Variants in SUN1 observed in about 807,000 individuals in gnomAD.
SUN1 encodes the protein SUN domain-containing protein 1.
In SUN1, 61 loss-of-function variants were observed where a neutral mutation model predicts 103.2. The observed-to-expected ratio is 0.59, with a 90% CI of 0.48 to 0.73. SUN1 has a LOEUF of 0.73. SUN1 is among the 30% of genes least tolerant of loss of function. The pLI is 0.00. For synonymous variants in SUN1, 490 were observed against 425.7 expected (o/e 1.15, Z -1.86); for missense variants, 1,052 against 1,034.6 (o/e 1.02, Z -0.23).
At chr7:844,622 C>T (rs1813416093) in intron 5 of SUN1, among the ~76,000 whole-genome samples, 1 of 152,144 alleles carries the variant, frequency 6.6e-6, no homozygotes, top group African/African-American at 2.4e-5. Flanking sequence ...GTGAAAGGGG[C>T]CGGGAAAGGT....
chr7:836,435 C>T (rs925495187), intron 1 of SUN1, among the ~76,000 whole-genome samples: 1 of 152,132 alleles, frequency 6.6e-6, no homozygotes, highest in African/African-American at 2.4e-5. Flanking sequence ...GTTGAGTTGG[C>T]AAGGGGAGAC....
intron 5 of SUN1, among the ~76,000 whole-genome samples, chr7:845,782 A>G (rs1229731211): frequency 1.3e-5 from 2 of 152,206 alleles, no homozygotes; most frequent in African/African-American, 4.8e-5. Context: ...TCCTGGGGGA[A>G]CCACTGCTAA....
At chr7:830,408 A>C (rs959962079), upstream of SUN1, among the ~76,000 whole-genome samples, 1 of 152,216 alleles carries the variant, frequency 6.6e-6, no homozygotes, top group Admixed American at 6.5e-5. Flanking sequence ...CAGGGTGGGT[A>C]AGGAACCCTG....
At chr7:854,852 G>A in intron 10 of SUN1, 68 bp from the exon 11 acceptor site, 5 of 1,176,354 alleles carry the variant, frequency 4.3e-6, no homozygotes, top group Non-Finnish European at 6.3e-6. Flanking sequence ...GAAACGCCTT[G>A]GCCTGATTTG....
chr7:853,448 G>T lies in SUN1; in HGVS notation c.1093G>T (p.Val365Leu). 6.2e-7 allele frequency: 1 copy of T among 1,614,012 alleles called. No homozygotes were observed. The highest frequency in any genetic ancestry group is 8.5e-7 in the Non-Finnish European group (1 of 1,180,046). The change falls in exon 10 of 19, where the codon GTG becomes TTG. Residue 365 changes from valine to leucine, a missense_variant. By Grantham distance (32) the Val-to-Leu change is conservative. Around this residue, in one of 2 missense-constraint regions of SUN1, gnomAD observed 846 missense variants for 774.5 expected, o/e 1.09. Transcript: ENST00000401592. Reference protein sequence around the residue: ...EAFPWHWMSGVEQQVASLSGQ... With the variant: ...EAFPWHWMSGLEQQVASLSGQ... ...TTTTCCGTGGCATTGGATGAGTGGC[G>T]TGGAGCAGCAGGTGGCCTCTCTGTC...
chr7:865,928 G>A (rs201924427), intron 15 of SUN1, 24 bp from the exon 16 acceptor site: 265 of 1,606,172 alleles, frequency 1.6e-4, no homozygotes, highest in Non-Finnish European at 2.1e-4. Context: ...TGGACACTGA[G>A]ACCGATCTGA....
chr7:826,750 C>T (rs1320407401), intron 1 of SUN1, among the ~76,000 whole-genome samples: 1 of 152,174 alleles, frequency 6.6e-6, no homozygotes, highest in Non-Finnish European at 1.5e-5. Context: ...CAGTGTTAGT[C>T]CACATCGTCA....
At chr7:857,169 C>T (rs753002394) in intron 12 of SUN1, among the ~76,000 whole-genome samples, 27 of 152,160 alleles carry the variant, frequency 1.8e-4, no homozygotes, top group Non-Finnish European at 3.1e-4. Context: ...CCTGTAGATT[C>T]GGCAGCCTTG....
upstream of SUN1, among the ~76,000 whole-genome samples, chr7:829,610 A>G (rs1796082797): frequency 6.8e-6 from 1 of 146,520 alleles, no homozygotes; most frequent in Non-Finnish European, 1.5e-5. Context: ...GCTGGAGTGC[A>G]GTGGCGCTAT....
At chr7:816,570 C>T (rs1311137019), upstream of SUN1, 1 of 396,354 alleles carries the variant, frequency 2.5e-6, no homozygotes, top group South Asian at 1.7e-5. Flanking sequence ...CTGCGTTGCT[C>T]CCGCCCTCGG....
chr7:869,127 C>G, intron 16 of SUN1: 1 of 569,858 alleles, frequency 1.8e-6, no homozygotes, highest in Admixed American at 3.2e-5. Context: ...CTTTAAGGTT[C>G]TGGTCGTTTT....
At chr7:848,495 C>T (rs1406946289) in intron 5 of SUN1, 3 of 1,363,940 alleles carry the variant, frequency 2.2e-6, no homozygotes, top group African/African-American at 1.5e-5. Context: ...ATTTTTAGTT[C>T]AACTTTTTCA....
At position 851,276 on chromosome 7, in the gene SUN1, C is replaced by T. The variant is rs76241095; in HGVS notation, c.659-108C>T. The stretch of plus-strand genomic sequence containing the variant: ...TTTTTTGAGGAGACTCTTGACCCAC[C>T]GATGCAGGCTTTGGTGAAGTGTGTG... On this transcript the variant is annotated intron_variant, in intron 5 of 18. Coordinates refer to ENST00000401592, the MANE Select transcript of SUN1 (RefSeq NM_001130965.3). The T allele has an allele frequency of 6.8e-3, 6,166 of 900,860 alleles. 139 individuals carry two copies. Among genetic ancestry groups the T allele is most frequent in the East Asian group, 0.055 (2,040 of 37,068 alleles). The allele number at this position is 900,860 out of a possible 1,614,324, so 55.8% of individuals were successfully genotyped here. A position where few individuals can be genotyped will look rare whatever the true frequency, so the allele number is the denominator to read the frequency against.
upstream of SUN1, among the ~76,000 whole-genome samples, chr7:827,501 G>A (rs1289261729): frequency 2.8e-5 from 4 of 142,264 alleles, no homozygotes; most frequent in South Asian, 2.2e-4. Context: ...ATGGGGTCAC[G>A]CTCTGTCCCC....
intron 15 of SUN1, among the ~76,000 whole-genome samples, chr7:863,077 G>T (rs995133888): frequency 6.6e-6 from 1 of 152,194 alleles, no homozygotes; most frequent in Non-Finnish European, 1.5e-5. Context: ...GGGAGGTGGA[G>T]CTTGCAGTAA....
chr7:822,285 G>T (rs1786934219), intron 1 of SUN1, among the ~76,000 whole-genome samples: 1 of 152,222 alleles, frequency 6.6e-6, no homozygotes, highest in Admixed American at 6.5e-5. Flanking sequence ...AAGCATGCTT[G>T]TTCTGTTGGT....
At chr7:829,217 C>T (rs1249549284), upstream of SUN1, among the ~76,000 whole-genome samples, 1 of 152,254 alleles carries the variant, frequency 6.6e-6, no homozygotes, top group Non-Finnish European at 1.5e-5. Flanking sequence ...AAAAACATCT[C>T]CCTTGAGTCT....
chr7:833,937 C>G (rs1800357859), intron 1 of SUN1, among the ~76,000 whole-genome samples: 1 of 152,210 alleles, frequency 6.6e-6, no homozygotes, highest in African/African-American at 2.4e-5. Context: ...GCCTCTGTTT[C>G]TTTACCTTGG....
At chr7:827,949 A>G (rs9639280), upstream of SUN1, among the ~76,000 whole-genome samples, 61,094 of 151,884 alleles carry the variant, frequency 0.4, 12,601 homozygotes, top group East Asian at 0.51. Context: ...TCACTCTGTC[A>G]CAGGCTGGAA....
Sources: gnomAD v4.1 joint callset for allele counts (sites outside exome capture counted in the v4.1 genomes callset) on GRCh38, gnomAD v4.1.1 for gene constraint, gnomAD v4.1.1 regional missense constraint, MANE v1.5 for transcripts, NCBI Gene and HGNC (gene_info 2026-07-23, HGNC 2026-07-21) for gene names.